The following PDE1C variants were observed in gnomAD, a reference collection of about 807,000 sequenced individuals.
PDE1C encodes phosphodiesterase 1C.
A neutral mutation model predicts 93.1 loss-of-function variants in PDE1C; 62 were observed. That is an observed-to-expected ratio of 0.67 (90% confidence interval 0.54 to 0.82). PDE1C has a LOEUF of 0.82. PDE1C is among the 40% of genes least tolerant of loss of function. The pLI is 0.00. For missense variants in PDE1C, 742 were observed against 884.6 expected, an observed-to-expected ratio of 0.84 and a Z score of 2.04; for synonymous variants, 325 against 310.1, an observed-to-expected ratio of 1.05 and a Z score of -0.50.
intron 2 of PDE1C, among the ~76,000 whole-genome samples, chr7:31,951,776 G>A (rs35239067): frequency 2.6e-4 from 39 of 152,146 alleles, no homozygotes; most frequent in Non-Finnish European, 5.0e-4. Flanking sequence ...TAAACCCGGT[G>A]TGTGGGAGAA....
At chr7:31,978,882 T>C (rs990595412) in intron 2 of PDE1C, among the ~76,000 whole-genome samples, 3 of 152,198 alleles carry the variant, frequency 2.0e-5, no homozygotes, top group African/African-American at 4.8e-5. Flanking sequence ...TTTCATTTCA[T>C]AGTTTCATCA....
chr7:31,823,014 T>C (rs1020500461), intron 14 of PDE1C, 59 bp downstream of exon 14: 2 of 1,410,798 alleles, frequency 1.4e-6, no homozygotes, highest in African/African-American at 2.9e-5. Context: ...CACACATAAC[T>C]CAGAGAGGAC....
intron 16 of PDE1C, among the ~76,000 whole-genome samples, chr7:31,794,555 A>G (rs1200269275): frequency 6.6e-6 from 1 of 152,030 alleles, no homozygotes; most frequent in Non-Finnish European, 1.5e-5. Context: ...TCTTACTGCT[A>G]TCATGCTCTG....
intron 1 of PDE1C, among the ~76,000 whole-genome samples, chr7:32,321,754 G>T (rs1258435206): frequency 6.6e-6 from 1 of 152,116 alleles, no homozygotes; most frequent in Non-Finnish European, 1.5e-5. Context: ...AAATTTCCCA[G>T]GGCAGGGTTT....
intron 1 of PDE1C, among the ~76,000 whole-genome samples, chr7:32,321,197 CCCT>C (rs1428320210): frequency 6.6e-6 from 1 of 152,132 alleles, no homozygotes; most frequent in Non-Finnish European, 1.5e-5. Context: ...AAATTAAGAC[CCCT>C]CATTTCTTTT....
intron 2 of PDE1C, among the ~76,000 whole-genome samples, chr7:32,024,976 T>C (rs1035028879): frequency 6.6e-6 from 1 of 151,970 alleles, no homozygotes; most frequent in Non-Finnish European, 1.5e-5. Flanking sequence ...CCAATGAGGG[T>C]ATCTACTCGG....
intron 11 of PDE1C, among the ~76,000 whole-genome samples, chr7:31,830,969 T>C (rs1790309899): frequency 6.6e-6 from 1 of 152,182 alleles, no homozygotes; most frequent in African/African-American, 2.4e-5. Flanking sequence ...GGGGTAGCTA[T>C]ATGTAAGCAG....
At position 31,865,998 on chromosome 7, in the gene PDE1C, G is replaced by T. The variant is rs536413566; in HGVS notation, c.610-916C>A. Among the ~76,000 whole-genome samples, 52 of 152,110 alleles carry T rather than the reference G, an allele frequency of 3.4e-4. No homozygotes were observed. In the East Asian group the frequency reaches 9.8e-3, roughly 29 times the overall value. ...TATTTCCAATTAGATTAATTGTTTTGTCGTCTGAAATATGTATAATATACA... is the reference window on the plus strand; with the variant it reads ...TATTTCCAATTAGATTAATTGTTTTTTCGTCTGAAATATGTATAATATACA... On this transcript the variant is annotated intron_variant, in intron 6 of 17. Coordinates refer to ENST00000396191, the MANE Select transcript of PDE1C (RefSeq NM_001191057.4).
chr7:32,016,009 T>C (rs774089426), intron 2 of PDE1C, among the ~76,000 whole-genome samples: 1 of 152,154 alleles, frequency 6.6e-6, no homozygotes, highest in Non-Finnish European at 1.5e-5. Context: ...CAGTATGCCA[T>C]GTCAGTTTAC....
intron 3 of PDE1C, among the ~76,000 whole-genome samples, chr7:32,147,649 C>T (rs1013287556): frequency 1.3e-5 from 2 of 152,094 alleles, no homozygotes; most frequent in African/African-American, 4.8e-5. Context: ...CAAAACAATC[C>T]CTCCTTGTGC....
At chr7:31,720,250 G>C in the PDE1C span, among the ~76,000 whole-genome samples, 1 of 151,622 alleles carries the variant, frequency 6.6e-6, no homozygotes, top group African/African-American at 2.4e-5. Flanking sequence ...TTGGAGTAGG[G>C]GAGGTAGCCC....
intron 2 of PDE1C, among the ~76,000 whole-genome samples, chr7:31,935,409 C>A (rs770165058): frequency 3.9e-5 from 6 of 152,142 alleles, no homozygotes; most frequent in Non-Finnish European, 7.3e-5. Context: ...CTATTGACTT[C>A]AGGGCACAAG....
At chr7:31,643,438 G>A in the PDE1C span, 1 of 1,613,992 alleles carries the variant, frequency 6.2e-7, no homozygotes, top group African/African-American at 1.3e-5. Context: ...GATACTACCT[G>A]GGACAGAAGC....
chr7:32,007,714 T>A (rs1423664308), intron 2 of PDE1C, among the ~76,000 whole-genome samples: 10 of 152,232 alleles, frequency 6.6e-5, no homozygotes, highest in Non-Finnish European at 1.5e-4. Context: ...TCATTCCACG[T>A]ATTTTACCTT....
rs191074088 is a variant in PDE1C, at chr7:31,800,622, C to T, written c.1891+8409G>A. On this transcript the variant is annotated intron_variant, in intron 16 of 17. Transcript: ENST00000396191. ...CTGTGTTGATGCCAATACCATGCTGCCTTAGTTACCATAGCTTTATAGTAA... is the reference window on the plus strand; with the variant it reads ...CTGTGTTGATGCCAATACCATGCTGTCTTAGTTACCATAGCTTTATAGTAA... Among the ~76,000 whole-genome samples the T allele has an allele frequency of 5.8e-3, 883 of 151,474 alleles. 6 individuals are homozygous for T. The highest frequency in any genetic ancestry group is 0.02 in the African/African-American group (841 of 41,442).
chr7:31,972,731 C>T (rs1241253386), intron 2 of PDE1C, among the ~76,000 whole-genome samples: 1 of 152,056 alleles, frequency 6.6e-6, no homozygotes, highest in Non-Finnish European at 1.5e-5. Context: ...AGCACAGCAA[C>T]CTAAAATCTC....
At chr7:32,270,855 G>T (rs1258327212) in intron 1 of PDE1C, among the ~76,000 whole-genome samples, 2 of 152,122 alleles carry the variant, frequency 1.3e-5, no homozygotes, top group African/African-American at 2.4e-5. Context: ...CTGTGACCAG[G>T]CACAGTGGCT....
chr7:31,672,182 C>T, the PDE1C span, among the ~76,000 whole-genome samples: 9 of 152,134 alleles, frequency 5.9e-5, no homozygotes, highest in Non-Finnish European at 7.3e-5. Flanking sequence ...CTCAGACTCT[C>T]GGCCAAGTCT....
chr7:31,986,068 G>T (rs921842013), intron 2 of PDE1C, among the ~76,000 whole-genome samples: 3 of 152,136 alleles, frequency 2.0e-5, no homozygotes, highest in Non-Finnish European at 4.4e-5. Flanking sequence ...TCTCAGGACT[G>T]CCATAACAAA....
Sources: allele counts gnomAD v4.1 joint callset (sites outside exome capture counted in the v4.1 genomes callset), GRCh38; gene constraint gnomAD v4.1.1; transcripts MANE v1.5; gene names NCBI Gene and HGNC (gene_info 2026-07-23, HGNC 2026-07-21).